GLDC: variants seen among roughly 807,000 people sequenced by gnomAD.
The protein encoded by GLDC is glycine decarboxylase.
GLDC carries 104 observed loss-of-function variants against 121.3 expected under a neutral mutation model. That is an observed-to-expected ratio of 0.86 (90% CI 0.73 to 1.01). The LOEUF is 1.01. Ranked by LOEUF, GLDC falls within the 50% of genes least tolerant of loss-of-function variation. GLDC has a pLI of 0.00. For missense variants in GLDC, 1,429 were observed against 1,306.6 expected (o/e 1.09, Z -1.44); for synonymous variants, 546 against 480.6 (o/e 1.14, Z -1.78).
intron 21 of GLDC, among the ~76,000 whole-genome samples, chr9:6,545,989 C>G (rs1817380159): frequency 1.3e-5 from 2 of 152,144 alleles, no homozygotes; most frequent in African/African-American, 4.8e-5. Context: ...ACCTTTCTGA[C>G]TCTTTTGTAA....
intron 7 of GLDC, among the ~76,000 whole-genome samples, chr9:6,603,204 G>T (rs1818653396): frequency 6.6e-6 from 1 of 151,566 alleles, no homozygotes; most frequent in Non-Finnish European, 1.5e-5. Flanking sequence ...CTCCAGCCTG[G>T]GTGACAGAGA....
rs1819002727 is a variant in GLDC at position 6,618,128 on chromosome 9, A to G, written c.470+2056T>C. On this transcript the variant is annotated intron_variant, in intron 3 of 24. Coordinates refer to ENST00000321612, the MANE Select transcript of GLDC (RefSeq NM_000170.3). Reference sequence around the variant, plus strand: ...CTCCATCTATGTCTGATTTGTTTCCATGCTGGAAATGAAAAGTGGACACCT... The same window carrying G: ...CTCCATCTATGTCTGATTTGTTTCCGTGCTGGAAATGAAAAGTGGACACCT... Among the ~76,000 whole-genome samples, 3 of 152,222 alleles carry G rather than the reference A, an allele frequency of 2.0e-5. No individual in the cohort carries two copies. In the South Asian group the frequency reaches 6.2e-4, roughly 31 times the overall value.
At chr9:6,591,448 T>C (rs1030099301) in intron 11 of GLDC, among the ~76,000 whole-genome samples, 4 of 152,232 alleles carry the variant, frequency 2.6e-5, no homozygotes, top group African/African-American at 9.6e-5. Context: ...TTCACCACTG[T>C]GTCTTCAGGG....
chr9:6,575,790 A>G (rs1449796017), intron 15 of GLDC, among the ~76,000 whole-genome samples: 1 of 152,258 alleles, frequency 6.6e-6, no homozygotes, highest in African/African-American at 2.4e-5. Context: ...ACATCACATC[A>G]TAATTCTAAA....
intron 21 of GLDC, among the ~76,000 whole-genome samples, chr9:6,547,333 C>T (rs906181810): frequency 7.6e-4 from 115 of 152,124 alleles, no homozygotes; most frequent in African/African-American, 2.8e-3. Flanking sequence ...AACACAGTTA[C>T]CCTGGATGGA....
chr9:6,563,353 C>T (rs1250737329), intron 16 of GLDC, among the ~76,000 whole-genome samples: 2 of 152,246 alleles, frequency 1.3e-5, no homozygotes, highest in African/African-American at 4.8e-5. Context: ...TAGCTAGTCA[C>T]CTGCTTTCTG....
chr9:6,554,532 C>T (rs1031342158), intron 19 of GLDC, 137 bp downstream of exon 19: 3 of 731,362 alleles, frequency 4.1e-6, no homozygotes, highest in Middle Eastern at 3.6e-4. Context: ...CTGCTCCTCC[C>T]CCAGCCCCTA....
intron 4 of GLDC, among the ~76,000 whole-genome samples, chr9:6,608,987 C>G (rs939394548): frequency 1.4e-4 from 21 of 152,106 alleles, no homozygotes; most frequent in Non-Finnish European, 2.9e-4. Flanking sequence ...GGCCTCTAAA[C>G]TTGCTGACCA....
chr9:6,561,324 C>T (rs1483703931), intron 16 of GLDC, among the ~76,000 whole-genome samples: 1 of 152,094 alleles, frequency 6.6e-6, no homozygotes, highest in Non-Finnish European at 1.5e-5. Flanking sequence ...TTTAATTATT[C>T]TTTATAATGT....
chr9:6,546,162 T>C (rs1817383671), intron 21 of GLDC, among the ~76,000 whole-genome samples: 1 of 151,984 alleles, frequency 6.6e-6, no homozygotes, highest in African/African-American at 2.4e-5. Context: ...GGCCTACAGA[T>C]TCAGGATGCT....
intron 11 of GLDC, among the ~76,000 whole-genome samples, chr9:6,590,698 C>G (rs1818358982): frequency 6.6e-6 from 1 of 152,170 alleles, no homozygotes; most frequent in Non-Finnish European, 1.5e-5. Context: ...CTCAGGTACT[C>G]CAATGCAAAT....
At chr9:6,585,892 C>CTATCTATCTATCT (rs558883539) in intron 15 of GLDC, among the ~76,000 whole-genome samples, 1 of 149,574 alleles carries the variant, frequency 6.7e-6, no homozygotes, top group Non-Finnish European at 1.5e-5. Context: ...ATCTATCTAT[C>CTATCTATCTATCT]ATCTGTCCAT....
intron 22 of GLDC, among the ~76,000 whole-genome samples, chr9:6,537,461 A>T (rs1817152376): frequency 6.6e-6 from 1 of 152,176 alleles, no homozygotes; most frequent in Admixed American, 6.6e-5. Context: ...CATGATTTCA[A>T]ACATTCTCTA....
chr9:6,628,434 G>T (rs1819292005), intron 2 of GLDC, among the ~76,000 whole-genome samples: 2 of 152,136 alleles, frequency 1.3e-5, no homozygotes, highest in African/African-American at 2.4e-5. Flanking sequence ...TCCTGAACAT[G>T]AACTACAATG....
At chr9:6,571,528 C>G (rs1166029110) in intron 15 of GLDC, among the ~76,000 whole-genome samples, 1 of 152,138 alleles carries the variant, frequency 6.6e-6, no homozygotes, top group Non-Finnish European at 1.5e-5. Context: ...TACGATTTCA[C>G]TGTTCCTTGA....
intron 15 of GLDC, among the ~76,000 whole-genome samples, chr9:6,581,257 C>A (rs533126065): frequency 3.9e-5 from 6 of 152,352 alleles, no homozygotes; most frequent in Non-Finnish European, 7.3e-5. Flanking sequence ...GAGGCATGTT[C>A]CATCCAGTCT....
intron 23 of GLDC, 79 bp downstream of exon 23, chr9:6,535,985 C>G (rs1416290839): frequency 8.6e-7 from 1 of 1,164,294 alleles, no homozygotes; most frequent in Non-Finnish European, 1.3e-6. Flanking sequence ...GTTGAGAGTT[C>G]GGGAGTTGCT....
chr9:6,609,303 T>C (rs1399544053), intron 4 of GLDC, among the ~76,000 whole-genome samples: 1 of 152,158 alleles, frequency 6.6e-6, no homozygotes, highest in Non-Finnish European at 1.5e-5. Context: ...TGAAGTACTA[T>C]TAATAACAGT....
At chr9:6,625,346 C>T (rs1041310264) in intron 2 of GLDC, among the ~76,000 whole-genome samples, 13 of 152,126 alleles carry the variant, frequency 8.5e-5, no homozygotes, top group Admixed American at 3.9e-4. Flanking sequence ...ACAAGCAGCA[C>T]GGCTGAGAGA....
Sources: gnomAD v4.1 joint callset for allele counts (sites outside exome capture counted in the v4.1 genomes callset) on GRCh38, gnomAD v4.1.1 for gene constraint, MANE v1.5 for transcripts, NCBI Gene and HGNC (gene_info 2026-07-23, HGNC 2026-07-21) for gene names.